The following PARD3 variants were observed in gnomAD, a reference collection of about 807,000 sequenced individuals.
PARD3 encodes the protein par-3 family cell polarity regulator, also known as partitioning defective 3 homolog.
In PARD3, 75 loss-of-function variants were observed where a neutral mutation model predicts 155.4. The observed-to-expected ratio is 0.48, with a 90% CI of 0.40 to 0.58. The LOEUF (loss-of-function observed/expected upper bound fraction) is 0.58. Ranked by LOEUF, PARD3 falls within the 20% of genes least tolerant of loss-of-function variation. The probability of loss-of-function intolerance (pLI) is 0.00; values close to 1 mark genes in which losing one functional copy is unlikely to be tolerated. For missense variants in PARD3, 1,642 were observed against 1,721.7 expected, an observed-to-expected ratio of 0.95 and a Z score of 0.82; for synonymous variants, 576 against 610.5, an observed-to-expected ratio of 0.94 and a Z score of 0.83.
intron 15 of PARD3, chr10:34,343,562 T>A (rs371650156): frequency 1.0e-6 from 1 of 985,154 alleles, no homozygotes; most frequent in Non-Finnish European, 1.2e-6. Context: ...TGAAAACCCA[T>A]ATTTTCCACT....
At chr10:34,433,013 A>T (rs774893215) in intron 5 of PARD3, among the ~76,000 whole-genome samples, 8 of 152,216 alleles carry the variant, frequency 5.3e-5, no homozygotes, top group Non-Finnish European at 8.8e-5. Context: ...GCCATTTACT[A>T]ACAGCAGGGG....
intron 22 of PARD3, among the ~76,000 whole-genome samples, chr10:34,265,586 G>GT (rs1236825533): frequency 6.6e-6 from 1 of 152,210 alleles, no homozygotes; most frequent in African/African-American, 2.4e-5. Flanking sequence ...AATTTAGTCA[G>GT]TTGACAGGAG....
chr10:34,720,791 C>T (rs968992334), intron 1 of PARD3, among the ~76,000 whole-genome samples: 1 of 143,058 alleles, frequency 7.0e-6, no homozygotes, highest in Non-Finnish European at 1.6e-5. Flanking sequence ...GAGCGAAACT[C>T]TGTCTCCAAA....
Position 34,699,994 on chromosome 10 carries a change from AAAG to A in PARD3, c.121-3578_121-3576del, listed in dbSNP as rs1273409519. On this transcript the variant is annotated intron_variant, in intron 1 of 24. Coordinates refer to ENST00000374788, the MANE Select transcript of PARD3 (RefSeq NM_001184785.2). ...AAACATGACAGAACATTCAACTAAA[AAAG>A]AAGAAGAATGTTTCTCATTCAGGAT... Among the ~76,000 whole-genome samples the A allele has an allele frequency of 1.2e-4, 19 of 152,372 alleles. No individual in the cohort carries two copies. In the East Asian group the frequency reaches 2.9e-3, roughly 23 times the overall value.
chr10:34,227,856 TTA>T (rs55681930), intron 22 of PARD3, among the ~76,000 whole-genome samples: 26,134 of 82,178 alleles, frequency 0.32, 4,635 homozygotes, highest in East Asian at 0.64. Flanking sequence ...GAATTATTTT[TTA>T]TATATATATA....
At chr10:34,516,357 T>C (rs1773299485) in intron 3 of PARD3, among the ~76,000 whole-genome samples, 1 of 152,198 alleles carries the variant, frequency 6.6e-6, no homozygotes, top group South Asian at 2.1e-4. Flanking sequence ...CACTAAATAT[T>C]TGTAGCAAAA....
intron 18 of PARD3, among the ~76,000 whole-genome samples, chr10:34,331,752 C>T (rs2134235749): frequency 8.1e-6 from 1 of 122,706 alleles, no homozygotes; most frequent in South Asian, 2.8e-4. Flanking sequence ...TTAATTAAAA[C>T]CTTTTTTTTT....
chr10:34,762,290 CAGAG>C (rs112792993), intron 1 of PARD3, among the ~76,000 whole-genome samples: 53 of 145,312 alleles, frequency 3.6e-4, no homozygotes, highest in Non-Finnish European at 4.4e-4. Context: ...GACAGAGAGA[CAGAG>C]AGAGAGAGAG....
intron 2 of PARD3, among the ~76,000 whole-genome samples, chr10:34,537,425 CAG>C (rs1269388736): frequency 6.6e-6 from 1 of 152,176 alleles, no homozygotes; most frequent in African/African-American, 2.4e-5. Context: ...GCCAATGACA[CAG>C]AAGGAAATAA....
chr10:34,425,843 T>G (rs1164328584), intron 5 of PARD3, among the ~76,000 whole-genome samples: 2 of 152,216 alleles, frequency 1.3e-5, no homozygotes, highest in African/African-American at 2.4e-5. Flanking sequence ...CAAAGCAGCT[T>G]TAGTGTTTTG....
chr10:34,517,878 G>GTTTGT (rs1554883545), intron 2 of PARD3, among the ~76,000 whole-genome samples: 3 of 152,022 alleles, frequency 2.0e-5, no homozygotes, highest in African/African-American at 4.8e-5. Context: ...TTGTTTGTTT[G>GTTTGT]TTTGTTTTGT....
chr10:34,306,664 A>G (rs944274964), intron 20 of PARD3, among the ~76,000 whole-genome samples: 7 of 152,124 alleles, frequency 4.6e-5, no homozygotes, highest in Non-Finnish European at 7.4e-5. Context: ...TAATAATAAC[A>G]ATAATTCAAA....
rs1391152056 is a variant in PARD3, at chr10:34,622,819, C to CTTTT, written c.222+73495_222+73498dup. ...GACTTACATTGCCTGAGTTGGTTTT[C>CTTTT]TTTTTTTCTTTTTTTTTTTTTTTTT... On this transcript the variant is annotated intron_variant, in intron 2 of 24. Transcript: ENST00000374788. Among the ~76,000 whole-genome samples the CTTTT allele has an allele frequency of 1.5e-4, 20 of 129,740 alleles. 1 individual carries two copies. Among genetic ancestry groups the CTTTT allele is most frequent in the African/African-American group, 5.4e-4 (19 of 34,954 alleles). The allele number at this position is 129,740 out of a possible 152,430, so 85.1% of individuals were successfully genotyped here. A position where few individuals can be genotyped will look rare whatever the true frequency, so the allele number is the denominator to read the frequency against.
intron 5 of PARD3, among the ~76,000 whole-genome samples, chr10:34,434,322 T>TA (rs1244127800): frequency 4.6e-5 from 7 of 152,166 alleles, no homozygotes; most frequent in Admixed American, 2.6e-4. Flanking sequence ...CCCTCACACT[T>TA]AGAGTATTTC....
In PARD3 at chr10:34,538,737, C is replaced by G. The variant is rs1222924027; in HGVS notation, c.223-21578G>C. On this transcript the variant is annotated intron_variant, in intron 2 of 24. Coordinates refer to ENST00000374788, the MANE Select transcript of PARD3 (RefSeq NM_001184785.2). ...ACAGGAAGAGTCACCGGGACAGGAG[C>G]CTTCTAGGAAGAAGAGGCTGCAGAA... Among the ~76,000 whole-genome samples the G allele has an allele frequency of 2.0e-5, 3 of 152,306 alleles. No homozygotes were observed. In the South Asian group the frequency reaches 6.2e-4, roughly 32 times the overall value.
chr10:34,459,527 A>G (rs941401862), intron 4 of PARD3, among the ~76,000 whole-genome samples: 6 of 152,204 alleles, frequency 3.9e-5, no homozygotes, highest in Non-Finnish European at 5.9e-5. Context: ...AACTAAAATT[A>G]TAAGTAACAA....
chr10:34,211,611 G>A (rs923418496), intron 22 of PARD3, among the ~76,000 whole-genome samples: 6 of 151,920 alleles, frequency 3.9e-5, no homozygotes, highest in Non-Finnish European at 7.4e-5. Flanking sequence ...GTGAAACCTC[G>A]TCTTCTAAAA....
At chr10:34,187,120 A>G (rs1320209899) in intron 22 of PARD3, among the ~76,000 whole-genome samples, 1 of 152,150 alleles carries the variant, frequency 6.6e-6, no homozygotes. Context: ...CTTGGGTCCA[A>G]GTTTTGGGGG....
intron 2 of PARD3, among the ~76,000 whole-genome samples, chr10:34,600,963 T>A (rs1324525911): frequency 5.4e-5 from 2 of 37,160 alleles, no homozygotes; most frequent in African/African-American, 2.2e-4. Flanking sequence ...ATTTTTTTAA[T>A]TTTTTTTTTT....
Sources: allele counts gnomAD v4.1 joint callset (sites outside exome capture counted in the v4.1 genomes callset), GRCh38; gene constraint gnomAD v4.1.1; transcripts MANE v1.5; gene names NCBI Gene and HGNC (gene_info 2026-07-23, HGNC 2026-07-21).